Variants in PDE4B observed in about 807,000 individuals in gnomAD.
PDE4B encodes 3',5'-cyclic-AMP phosphodiesterase 4B.
PDE4B carries 20 observed loss-of-function variants against 82.2 expected under a neutral mutation model. The ratio of observed to expected loss-of-function variants is 0.24; its 90% CI spans 0.17 to 0.35. The LOEUF (loss-of-function observed/expected upper bound fraction) is 0.35, where lower values mean the gene tolerates loss of function less well. Among genes scored for constraint, PDE4B ranks in the 10% least tolerant of loss-of-function variants. PDE4B has a pLI of 1.00. For synonymous variants in PDE4B, 320 were observed against 318.9 expected (o/e 1.00, Z -0.04); for missense variants, 655 against 907.2 (o/e 0.72, Z 3.57).
intron 1 of PDE4B, among the ~76,000 whole-genome samples, chr1:65,907,220 G>T (rs1282459594): frequency 6.6e-6 from 1 of 152,136 alleles, no homozygotes; most frequent in Non-Finnish European, 1.5e-5. Context: ...ATAACTGAGT[G>T]CAGTAGTCCT....
chr1:65,951,319 G>A (rs929861431), intron 3 of PDE4B, among the ~76,000 whole-genome samples: 2 of 151,890 alleles, frequency 1.3e-5, no homozygotes, highest in African/African-American at 4.8e-5. Context: ...ACTAATACAC[G>A]TTATTTCTGA....
At chr1:65,819,504 G>GTTTTTT (rs35338207) in intron 1 of PDE4B, among the ~76,000 whole-genome samples, 34 of 114,152 alleles carry the variant, frequency 3.0e-4, no homozygotes, top group Admixed American at 3.5e-4. Context: ...TTTTTGTTTT[G>GTTTTTT]TTTTTTTTTT....
intron 7 of PDE4B, chr1:66,332,126 C>T (rs934842843): frequency 9.0e-5 from 116 of 1,293,964 alleles, no homozygotes; most frequent in Non-Finnish European, 1.1e-4. Context: ...CCCTAAAGAA[C>T]CCTGGGATGA....
At chr1:66,034,771 T>C (rs1234142997) in intron 3 of PDE4B, among the ~76,000 whole-genome samples, 2 of 152,218 alleles carry the variant, frequency 1.3e-5, no homozygotes, top group African/African-American at 2.4e-5. Context: ...TATGTTCTTT[T>C]TATTTCTAAC....
At chr1:66,314,280 T>C (rs994588312) in intron 7 of PDE4B, among the ~76,000 whole-genome samples, 15 of 152,190 alleles carry the variant, frequency 9.9e-5, no homozygotes, top group Non-Finnish European at 2.1e-4. Context: ...AGCTTCATAG[T>C]TGCACATTCC....
At chr1:66,114,290 A>G (rs1236462967) in intron 3 of PDE4B, among the ~76,000 whole-genome samples, 1 of 152,194 alleles carries the variant, frequency 6.6e-6, no homozygotes, top group African/African-American at 2.4e-5. Flanking sequence ...TACTCAGATG[A>G]TAGTATTTTG....
chr1:66,223,794 G>C (rs1480308060), intron 3 of PDE4B, among the ~76,000 whole-genome samples: 1 of 151,926 alleles, frequency 6.6e-6, no homozygotes, highest in East Asian at 1.9e-4. Flanking sequence ...TTTTTGAAGT[G>C]CATGCCATCA....
At chr1:65,878,643 AC>A (rs1416160906) in intron 1 of PDE4B, among the ~76,000 whole-genome samples, 2 of 152,142 alleles carry the variant, frequency 1.3e-5, no homozygotes, top group Non-Finnish European at 2.9e-5. Context: ...AGAAAACCAA[AC>A]ACTGCATGTT....
intron 9 of PDE4B, among the ~76,000 whole-genome samples, chr1:66,359,599 C>T (rs1005204987): frequency 1.3e-5 from 2 of 152,196 alleles, no homozygotes; most frequent in Non-Finnish European, 2.9e-5. Flanking sequence ...CTCAATTACT[C>T]ACTGTTGCAG....
chr1:66,317,332 C>T (rs907761467), intron 7 of PDE4B, among the ~76,000 whole-genome samples: 1 of 152,176 alleles, frequency 6.6e-6, no homozygotes, highest in African/African-American at 2.4e-5. Flanking sequence ...TCCCTCACCA[C>T]CTCTGCTGCA....
At chr1:66,269,658 C>T (rs1365886580) in intron 7 of PDE4B, among the ~76,000 whole-genome samples, 6 of 152,204 alleles carry the variant, frequency 3.9e-5, no homozygotes, top group Non-Finnish European at 8.8e-5. Context: ...TGCATGCATA[C>T]ACATGTGTGT....
chr1:65,881,594 A>G (rs1461637555), intron 1 of PDE4B, among the ~76,000 whole-genome samples: 2 of 152,218 alleles, frequency 1.3e-5, no homozygotes, highest in African/African-American at 2.4e-5. Flanking sequence ...GCTGATTGTT[A>G]TAAAGATTAA....
intron 15 of PDE4B, 69 bp downstream of exon 15, chr1:66,368,134 G>A: frequency 6.5e-7 from 1 of 1,536,366 alleles, no homozygotes; most frequent in South Asian, 1.2e-5. Context: ...ATTAGAAAAA[G>A]AAAACAAAGA....
chr1:65,898,457 A>G (rs190505059), intron 1 of PDE4B, among the ~76,000 whole-genome samples: 1 of 151,874 alleles, frequency 6.6e-6, no homozygotes, highest in African/African-American at 2.4e-5. Flanking sequence ...CAGCATTGGA[A>G]AAAACAATCC....
At chr1:66,356,375 C>T (rs1557723716) in intron 9 of PDE4B, among the ~76,000 whole-genome samples, 1 of 152,198 alleles carries the variant, frequency 6.6e-6, no homozygotes, top group Admixed American at 6.5e-5. Context: ...CTTAAAGGCA[C>T]TTTTGTCTAA....
Position 66,076,514 on chromosome 1 carries a change from A to G in PDE4B, c.281+157679A>G, listed in dbSNP as rs540589420. Among the ~76,000 whole-genome samples, 8 of 152,040 alleles carry G rather than the reference A, an allele frequency of 5.3e-5. No homozygotes were observed. The South Asian group carries it at 8.3e-4, about 16-fold the overall frequency. On this transcript the variant is annotated intron_variant, in intron 3 of 16. Transcript: ENST00000341517. The stretch of plus-strand genomic sequence containing the variant: ...ACCTGCCTTTTTGGTAGAACAGTTT[A>G]TTTTCCTTTGGGTATATACTCAGTT...
At chr1:65,831,031 A>G (rs181052708) in intron 1 of PDE4B, among the ~76,000 whole-genome samples, 10 of 152,212 alleles carry the variant, frequency 6.6e-5, no homozygotes, top group African/African-American at 2.4e-4. Flanking sequence ...TACTAAAGCA[A>G]TGCTGAGGTA....
At chr1:65,941,946 G>A (rs550740862) in intron 3 of PDE4B, among the ~76,000 whole-genome samples, 8 of 152,018 alleles carry the variant, frequency 5.3e-5, no homozygotes, top group East Asian at 1.9e-4. Context: ...ACCTTCCTGC[G>A]ATAGTCTCTG....
At chr1:66,213,501 A>G (rs979932366) in intron 3 of PDE4B, among the ~76,000 whole-genome samples, 2 of 152,210 alleles carry the variant, frequency 1.3e-5, no homozygotes, top group East Asian at 1.9e-4. Flanking sequence ...ACTAAGCACT[A>G]TAATCACTTT....
Sources: gnomAD v4.1 joint callset for allele counts (sites outside exome capture counted in the v4.1 genomes callset) on GRCh38, gnomAD v4.1.1 for gene constraint, MANE v1.5 for transcripts, NCBI Gene and HGNC (gene_info 2026-07-23, HGNC 2026-07-21) for gene names.